Variants in FUCA1 observed in about 807,000 individuals in gnomAD.
FUCA1 encodes the protein alpha-L-fucosidase 1, also known as tissue alpha-L-fucosidase.
A neutral mutation model predicts 56.8 loss-of-function variants in FUCA1; 52 were observed. That is an observed-to-expected ratio of 0.92 (90% CI 0.73 to 1.15). The LOEUF (loss-of-function observed/expected upper bound fraction) is 1.15, where lower values mean the gene tolerates loss of function less well. Among genes scored for constraint, FUCA1 ranks in the 50% most tolerant of loss-of-function variants. The pLI is 0.00. For missense variants in FUCA1, 568 were observed against 592.6 expected (o/e 0.96, Z 0.43); for synonymous variants, 230 against 226.6 (o/e 1.02, Z -0.14).
intron 4 of FUCA1, among the ~76,000 whole-genome samples, chr1:23,857,816 T>C (rs1639425154): frequency 6.7e-6 from 1 of 150,006 alleles, no homozygotes; most frequent in Non-Finnish European, 1.5e-5. Context: ...TACAGGCATG[T>C]AAAAATTAGG....
Position 23,846,064 on chromosome 1 carries a change from G to A in FUCA1, c.1260+10C>T. On this transcript the variant is annotated intron_variant, in intron 7 of 7. Transcript: ENST00000374479. ...AAAGTTACATCTTAAGACTGACTAA[G>A]CCTCTTTACCTTTGTAGTTGAGGTA... 3 of 1,597,548 alleles carry A rather than the reference G, an allele frequency of 1.9e-6. No homozygotes were observed. The highest frequency in any genetic ancestry group is 2.2e-5 in the South Asian group (2 of 90,760).
rs549422001 is a variant in FUCA1 at position 23,858,560 on chromosome 1, G to A, written c.768+1238C>T. 3.9e-5 allele frequency among the ~76,000 whole-genome samples: 6 copies of A among 152,322 alleles called. No homozygotes were observed. In the East Asian group the frequency reaches 1.2e-3, roughly 29 times the overall value. ...TGTAAATGGGCAGCCATTATGCACTGCCTCATAGTGTTGATTATAGGGAGG... is the reference window on the plus strand; with the variant it reads ...TGTAAATGGGCAGCCATTATGCACTACCTCATAGTGTTGATTATAGGGAGG... On this transcript the variant is annotated intron_variant, in intron 4 of 7. Coordinates refer to ENST00000374479, the MANE Select transcript of FUCA1 (RefSeq NM_000147.5).
chr1:23,855,056 T>C (rs534783716), intron 4 of FUCA1, among the ~76,000 whole-genome samples: 51 of 150,116 alleles, frequency 3.4e-4, no homozygotes, highest in African/African-American at 1.2e-3. Flanking sequence ...TTTCCAACTA[T>C]ATAATCCCAG....
intron 5 of FUCA1, among the ~76,000 whole-genome samples, chr1:23,852,526 G>A (rs907290884): frequency 6.6e-6 from 1 of 151,306 alleles, no homozygotes. Flanking sequence ...CTGATGCCGA[G>A]CCGAAGCTGG....
intron 4 of FUCA1, 44 bp downstream of exon 4, chr1:23,859,754 T>C: frequency 1.5e-6 from 2 of 1,310,480 alleles, no homozygotes; most frequent in Non-Finnish European, 2.2e-6. Flanking sequence ...CCTTGCACTT[T>C]CTTTCTTCAT....
chr1:23,851,887 T>C (rs1383219545), intron 5 of FUCA1, among the ~76,000 whole-genome samples: 1 of 151,958 alleles, frequency 6.6e-6, no homozygotes, highest in African/African-American at 2.4e-5. Flanking sequence ...GGGAGAGCAT[T>C]AGGACAAATA....
At chr1:23,866,199 G>C (rs972265911) in intron 1 of FUCA1, among the ~76,000 whole-genome samples, 5 of 152,122 alleles carry the variant, frequency 3.3e-5, no homozygotes, top group Non-Finnish European at 7.3e-5. Context: ...GTAGTCCCAG[G>C]TATTTGAGAG....
At position 23,846,999 on chromosome 1, in the gene FUCA1, C is replaced by A. The variant is rs571176292; in HGVS notation, c.1161-826G>T. On this transcript the variant is annotated intron_variant, in intron 6 of 7. Transcript: ENST00000374479. ...CCTTAGAAAGTGCTGGGATTACAGGCATGAAGCACTGCACAAGGCCACTCA... is the reference window on the plus strand; with the variant it reads ...CCTTAGAAAGTGCTGGGATTACAGGAATGAAGCACTGCACAAGGCCACTCA... Among the ~76,000 whole-genome samples, 189 of 152,252 alleles carry A rather than the reference C, an allele frequency of 1.2e-3. 2 individuals carry two copies. Among genetic ancestry groups the A allele is most frequent in the Middle Eastern group, 0.01 (3 of 294 alleles).
Position 23,848,726 on chromosome 1 carries a change from C to A in FUCA1, c.1083G>T (p.Trp361Cys). 6.2e-7 allele frequency: 1 copy of A among 1,614,190 alleles called. No individual in the cohort carries two copies. The highest frequency in any genetic ancestry group is 1.1e-5 in the South Asian group (1 of 91,088). Residue 361 changes from tryptophan (W) to cysteine (C), a missense_variant, in exon 6 of 8, where the codon TGG (tryptophan) becomes TGT (cysteine). Transcript: ENST00000374479. ...AGATAGCCTCCCCATTGATGCTCAG[C>A]CATTTCCCAACAGCAAGAAGCCTTT... ...FQERLLAVGK[W>C]LSINGEAIYA...
chr1:23,846,048 T>A, intron 7 of FUCA1, 26 bp downstream of exon 7: 2 of 1,576,610 alleles, frequency 1.3e-6, no homozygotes, highest in Non-Finnish European at 1.7e-6. Flanking sequence ...GAAAGTTACA[T>A]CTTAAGACTG....
intron 2 of FUCA1, among the ~76,000 whole-genome samples, chr1:23,864,087 C>CTTTTTTTTTTTTTT (rs765991884): frequency 7.6e-6 from 1 of 131,048 alleles, no homozygotes; most frequent in Admixed American, 8.1e-5. Flanking sequence ...TCTTTTTTTC[C>CTTTTTTTTTTTTTT]TTTTTTTTTT....
At chr1:23,857,860 G>A (rs940834852) in intron 4 of FUCA1, among the ~76,000 whole-genome samples, 2 of 151,728 alleles carry the variant, frequency 1.3e-5, no homozygotes, top group African/African-American at 4.8e-5. Context: ...AGTAGAGACG[G>A]GGTTTCACCG....
At position 23,850,932 on chromosome 1, in the gene FUCA1, T is replaced by A. The variant is rs148865554; in HGVS notation, c.970-2093A>T. Among the ~76,000 whole-genome samples the A allele has an allele frequency of 1.2e-4, 18 of 152,096 alleles. 1 individual carries two copies. The South Asian group carries it at 3.5e-3, about 30-fold the overall frequency. ...GAGCCACCACCATGCCCAGCCAATA[T>A]GTAACTTTATTAAAAATAATAATAA... On this transcript the variant is annotated intron_variant, in intron 5 of 7. Transcript: ENST00000374479.
chr1:23,849,211 C>A (rs2148439015), intron 5 of FUCA1, among the ~76,000 whole-genome samples: 3 of 152,288 alleles, frequency 2.0e-5, no homozygotes, highest in Middle Eastern at 6.8e-3. Context: ...TCTCAAAACT[C>A]CTGACCTCAG....
At chr1:23,852,702 T>C (rs914866903) in intron 5 of FUCA1, among the ~76,000 whole-genome samples, 20 of 152,124 alleles carry the variant, frequency 1.3e-4, no homozygotes, top group Admixed American at 7.2e-4. Flanking sequence ...GGTCTCCAGC[T>C]CCTAACTGCG....
At chr1:23,852,889 G>A (rs1315863075) in intron 5 of FUCA1, among the ~76,000 whole-genome samples, 10 of 151,516 alleles carry the variant, frequency 6.6e-5, no homozygotes, top group Non-Finnish European at 1.3e-4. Context: ...GCCTCTGCCC[G>A]GCCGCCACCC....
rs1553138312 is a variant in FUCA1 at position 23,867,078 on chromosome 1, G to A, written c.389+820C>T. Reference sequence around the variant, plus strand: ...AGCCAGGGGCTGGGGAAACCTCCCCGCCTCCATTTTTACTCTTCTCCAACC... The same window carrying A: ...AGCCAGGGGCTGGGGAAACCTCCCCACCTCCATTTTTACTCTTCTCCAACC... On this transcript the variant is annotated intron_variant, in intron 1 of 7. Transcript: ENST00000374479. The surrounding 1 kb of genome is among the most constrained non-coding windows in gnomAD (Gnocchi z 4.9). 2.0e-5 allele frequency among the ~76,000 whole-genome samples: 3 copies of A among 152,122 alleles called. No homozygotes were observed. The highest frequency in any genetic ancestry group is 2.9e-5 in the Non-Finnish European group (2 of 68,004).
At position 23,867,284 on chromosome 1, in the gene FUCA1, T is replaced by G. The variant is rs1225908996; in HGVS notation, c.389+614A>C. On this transcript the variant is annotated intron_variant, in intron 1 of 7. Transcript: ENST00000374479. This position sits in a 1 kb window ranked among gnomAD's most constrained non-coding sequence, Gnocchi z 4.9. The stretch of plus-strand genomic sequence containing the variant: ...CCCCAGCGCTCTCTACTCTGTTCTC[T>G]GAACCAGCCACCCCCAAGTTCCAAC... 1.3e-5 allele frequency among the ~76,000 whole-genome samples: 2 copies of G among 152,172 alleles called. No homozygotes were observed. The highest frequency in any genetic ancestry group is 2.9e-5 in the Non-Finnish European group (2 of 68,030).
In FUCA1 at chr1:23,845,084, G is replaced by T. The variant is rs1639108137; in HGVS notation, c.*631C>A. On this transcript the variant is annotated 3_prime_UTR_variant, in exon 8 of 8. Transcript: ENST00000374479. The stretch of plus-strand genomic sequence containing the variant: ...AAAGAAAGCTATACCATGTTTTTTT[G>T]GTAGAAATGATTGTGATGTACAAAT... 6.5e-6 allele frequency: 1 copy of T among 154,944 alleles called. No individual in the cohort carries two copies. Among genetic ancestry groups the T allele is most frequent in the Non-Finnish European group, 1.4e-5 (1 of 69,888 alleles). 9.6% of individuals were successfully genotyped at this position (154,944 alleles called of 1,614,324 possible).
Sources: allele counts gnomAD v4.1 joint callset (sites outside exome capture counted in the v4.1 genomes callset), GRCh38; gene constraint gnomAD v4.1.1; non-coding constraint Gnocchi (gnomAD v3.1); transcripts MANE v1.5; gene names NCBI Gene and HGNC (gene_info 2026-07-23, HGNC 2026-07-21).